The following EXT1 variants were observed in gnomAD, a reference collection of about 807,000 sequenced individuals.
The protein encoded by EXT1 is exostosin-1.
Under a neutral mutation model 82.5 loss-of-function variants are expected in EXT1, and 20 were observed. The ratio of observed to expected loss-of-function variants is 0.24; its 90% CI spans 0.17 to 0.35. The LOEUF (loss-of-function observed/expected upper bound fraction) is 0.35. Among genes scored for constraint, EXT1 ranks in the 10% least tolerant of loss-of-function variants. EXT1 has a pLI of 1.00. For missense variants in EXT1, 757 were observed against 936.5 expected (o/e 0.81, Z 2.50); for synonymous variants, 348 against 350.8 (o/e 0.99, Z 0.09).
chr8:117,999,419 C>T (rs1254296090), intron 1 of EXT1, among the ~76,000 whole-genome samples: 3 of 152,142 alleles, frequency 2.0e-5, no homozygotes, highest in African/African-American at 7.2e-5. Flanking sequence ...TATTTATTAC[C>T]TTTGTAGATG....
chr8:117,871,007 C>A (rs760346144), intron 1 of EXT1, among the ~76,000 whole-genome samples: 8 of 152,022 alleles, frequency 5.3e-5, no homozygotes, highest in Non-Finnish European at 7.4e-5. Flanking sequence ...AATCTCTAGC[C>A]GATGTAACTG....
chr8:117,819,861 C>A, intron 5 of EXT1, 67 bp from the exon 6 acceptor site: 1 of 1,413,940 alleles, frequency 7.1e-7, no homozygotes. Flanking sequence ...ATTACTCCTC[C>A]TTGCTCCGCT....
Position 117,831,639 on chromosome 8 carries a change from G to A in EXT1, c.1165-1290C>T, listed in dbSNP as rs28561422. ...TGCCTCCATAACATATGACTAATCC[G>A]ACAGATATGGGAGTCTGAGCAAGAA... On this transcript the variant is annotated intron_variant, in intron 3 of 10. Coordinates refer to ENST00000378204, the MANE Select transcript of EXT1 (RefSeq NM_000127.3). 8.1e-3 allele frequency: 3,801 copies of A among 471,040 alleles called. 125 individuals are homozygous for A. The highest frequency in any genetic ancestry group is 0.069 in the African/African-American group (3,448 of 50,158). The allele number at this position is 471,040 out of a possible 1,614,324, so 29.2% of individuals were successfully genotyped here. A position where few individuals can be genotyped will look rare whatever the true frequency, so the allele number is the denominator to read the frequency against.
chr8:117,809,329 T>C (rs1402143832), intron 8 of EXT1, among the ~76,000 whole-genome samples: 1 of 149,602 alleles, frequency 6.7e-6, no homozygotes, highest in Non-Finnish European at 1.5e-5. Context: ...TATGGCTTGT[T>C]CCCCAAAACT....
intron 1 of EXT1, among the ~76,000 whole-genome samples, chr8:117,845,856 C>T (rs1415833351): frequency 3.3e-5 from 5 of 152,124 alleles, no homozygotes; most frequent in African/African-American, 1.2e-4. Flanking sequence ...CTTATCTTTA[C>T]CACCATCATG....
At chr8:117,866,305 G>A (rs1326148231) in intron 1 of EXT1, among the ~76,000 whole-genome samples, 2 of 152,162 alleles carry the variant, frequency 1.3e-5, no homozygotes, top group Non-Finnish European at 2.9e-5. Context: ...ATTAAGCAGA[G>A]ACTTCACCTC....
intron 1 of EXT1, among the ~76,000 whole-genome samples, chr8:117,962,924 C>T (rs1456091476): frequency 1.3e-5 from 2 of 152,098 alleles, no homozygotes; most frequent in Non-Finnish European, 1.5e-5. Flanking sequence ...GTACACACCC[C>T]TGATAGCATT....
At chr8:118,004,588 T>C (rs1815737263) in intron 1 of EXT1, among the ~76,000 whole-genome samples, 1 of 152,166 alleles carries the variant, frequency 6.6e-6, no homozygotes, top group African/African-American at 2.4e-5. Context: ...GTGCCATTGA[T>C]CAATCTTTCT....
chr8:117,803,341 G>A (rs1041371926), intron 10 of EXT1, among the ~76,000 whole-genome samples: 20 of 151,894 alleles, frequency 1.3e-4, no homozygotes, highest in Admixed American at 2.6e-4. Context: ...GATTACAAGC[G>A]TGCACCACTA....
chr8:117,864,736 GA>G (rs1235973876), intron 1 of EXT1, among the ~76,000 whole-genome samples: 2 of 137,884 alleles, frequency 1.5e-5, no homozygotes, highest in African/African-American at 5.4e-5. Context: ...GCGACAGAGC[GA>G]GACTCTGCCT....
At chr8:117,949,536 G>A (rs944896748) in intron 1 of EXT1, among the ~76,000 whole-genome samples, 10 of 148,718 alleles carry the variant, frequency 6.7e-5, no homozygotes, top group Admixed American at 2.0e-4. Flanking sequence ...ATATATATAC[G>A]TATTATATAT....
At chr8:118,070,922 G>C (rs542670369) in intron 1 of EXT1, among the ~76,000 whole-genome samples, 4 of 152,234 alleles carry the variant, frequency 2.6e-5, no homozygotes, top group African/African-American at 9.6e-5. Flanking sequence ...GAAATATTAA[G>C]GATGCGATTT....
chr8:117,799,046 T>A lies in EXT1; in HGVS notation c.*666A>T, dbSNP rs1212142281. 1.4e-5 allele frequency: 2 copies of A among 145,480 alleles called. No individual in the cohort carries two copies. The highest frequency in any genetic ancestry group is 3.0e-5 in the Non-Finnish European group (2 of 66,522). 9.0% of individuals were successfully genotyped at this position (145,480 alleles called of 1,614,324 possible). A position where few individuals can be genotyped will look rare whatever the true frequency, so the allele number is the denominator to read the frequency against. ...CCCCCAATGAAAAACGATTATCATA[T>A]ATATCTATCTCAAACATAGAGATTT... On this transcript the variant is annotated 3_prime_UTR_variant, in exon 11 of 11. Transcript: ENST00000378204.
chr8:117,948,708 T>G (rs757327647), intron 1 of EXT1, among the ~76,000 whole-genome samples: 1 of 152,248 alleles, frequency 6.6e-6, no homozygotes, highest in Non-Finnish European at 1.5e-5. Flanking sequence ...CTGCCATGTA[T>G]AGCCAACAAT....
rs17453686 is a variant in EXT1, at chr8:118,004,872, G to A, written c.962+105213C>T. ...TAGGGTGAAGTATTTTGATTTACCG[G>A]ATATGAGGCCAGAATTTTTCATTCA... On this transcript the variant is annotated intron_variant, in intron 1 of 10. Coordinates refer to ENST00000378204, the MANE Select transcript of EXT1 (RefSeq NM_000127.3). Among the ~76,000 whole-genome samples, 1,095 of 152,226 alleles carry A rather than the reference G, an allele frequency of 7.2e-3. 9 individuals are homozygous for A. Among genetic ancestry groups the A allele is most frequent in the Middle Eastern group, 0.01 (3 of 294 alleles).
At chr8:117,925,720 A>C (rs865976399) in intron 1 of EXT1, among the ~76,000 whole-genome samples, 1 of 149,286 alleles carries the variant, frequency 6.7e-6, no homozygotes, top group African/African-American at 2.5e-5. Flanking sequence ...AAAAAAAAAA[A>C]AAAGAAAGAA....
chr8:118,095,058 G>A (rs528416756), intron 1 of EXT1, among the ~76,000 whole-genome samples: 2 of 152,290 alleles, frequency 1.3e-5, no homozygotes, highest in South Asian at 4.1e-4. Flanking sequence ...GCTTCAATCA[G>A]AGGTCTCTGT....
intron 1 of EXT1, among the ~76,000 whole-genome samples, chr8:117,845,778 A>G (rs777045524): frequency 1.3e-5 from 2 of 151,804 alleles, no homozygotes; most frequent in Non-Finnish European, 2.9e-5. Flanking sequence ...TAACAACAAT[A>G]CCTCCACTTT....
At chr8:118,028,215 T>C (rs1816237910) in intron 1 of EXT1, among the ~76,000 whole-genome samples, 1 of 152,252 alleles carries the variant, frequency 6.6e-6, no homozygotes, top group Admixed American at 6.5e-5. Context: ...AGCCGCTCTC[T>C]TCCCAGAGCT....
Sources: allele counts gnomAD v4.1 joint callset (sites outside exome capture counted in the v4.1 genomes callset), GRCh38; gene constraint gnomAD v4.1.1; transcripts MANE v1.5; gene names NCBI Gene and HGNC (gene_info 2026-07-23, HGNC 2026-07-21).